Variants in ARHGAP15 observed in about 807,000 individuals in gnomAD.
ARHGAP15 encodes the protein Rho GTPase activating protein 15.
A neutral mutation model predicts 63.7 loss-of-function variants in ARHGAP15; 51 were observed. The observed-to-expected ratio is 0.80, with a 90% CI of 0.64 to 1.01. The LOEUF (loss-of-function observed/expected upper bound fraction) is 1.01, where lower values mean the gene tolerates loss of function less well. ARHGAP15 is among the 50% of genes least tolerant of loss of function. The pLI, the probability that ARHGAP15 is intolerant of heterozygous loss-of-function variation, is 0.00. For synonymous variants in ARHGAP15, 191 were observed against 193.8 expected, an observed-to-expected ratio of 0.99 and a Z score of 0.12; for missense variants, 560 against 564.6, an observed-to-expected ratio of 0.99 and a Z score of 0.08.
chr2:143,542,682 G>GAT (rs1403534383), intron 10 of ARHGAP15, among the ~76,000 whole-genome samples: 4 of 116,038 alleles, frequency 3.4e-5, no homozygotes, highest in African/African-American at 1.2e-4. Context: ...TATATGATAT[G>GAT]ATATATAGTA....
intron 3 of ARHGAP15, among the ~76,000 whole-genome samples, chr2:143,214,783 G>A (rs966328144): frequency 6.6e-6 from 1 of 152,148 alleles, no homozygotes; most frequent in African/African-American, 2.4e-5. Flanking sequence ...CCCGTGCTAT[G>A]TATTAGGAAT....
At chr2:143,348,279 A>G (rs1265944183) in intron 6 of ARHGAP15, among the ~76,000 whole-genome samples, 2 of 152,200 alleles carry the variant, frequency 1.3e-5, no homozygotes, top group African/African-American at 4.8e-5. Context: ...CCTCATAGTT[A>G]ATTCATGCAG....
chr2:143,341,139 T>A (rs1315046408), intron 6 of ARHGAP15, among the ~76,000 whole-genome samples: 1 of 152,092 alleles, frequency 6.6e-6, no homozygotes, highest in East Asian at 1.9e-4. Flanking sequence ...TGTGGTCCTG[T>A]CACATCATCC....
intron 2 of ARHGAP15, among the ~76,000 whole-genome samples, chr2:143,164,879 G>C (rs1690438048): frequency 6.6e-6 from 1 of 151,786 alleles, no homozygotes; most frequent in African/African-American, 2.4e-5. Flanking sequence ...ACACAGACGT[G>C]TTATCAGTTT....
intron 8 of ARHGAP15, among the ~76,000 whole-genome samples, chr2:143,470,624 T>C (rs1290323545): frequency 6.7e-6 from 1 of 149,358 alleles, no homozygotes; most frequent in African/African-American, 2.4e-5. Context: ...TGTATATATA[T>C]ACATATGTGT....
intron 2 of ARHGAP15, among the ~76,000 whole-genome samples, chr2:143,180,700 C>T (rs1354780494): frequency 6.6e-6 from 1 of 152,098 alleles, no homozygotes; most frequent in African/African-American, 2.4e-5. Context: ...GACGGAGTCT[C>T]ACTCTGTTGC....
intron 13 of ARHGAP15, among the ~76,000 whole-genome samples, chr2:143,740,672 C>G (rs1685928565): frequency 6.6e-6 from 1 of 152,110 alleles, no homozygotes. Flanking sequence ...GTCCCAGGTA[C>G]AGCAGGGGCA....
intron 2 of ARHGAP15, among the ~76,000 whole-genome samples, chr2:143,186,573 C>G (rs1691456481): frequency 6.6e-6 from 1 of 152,232 alleles, no homozygotes; most frequent in Non-Finnish European, 1.5e-5. Context: ...AATGACCATT[C>G]TCTGTTAGTC....
chr2:143,651,363 C>A lies in ARHGAP15; in HGVS notation c.1138+27096C>A, dbSNP rs1681154471. On this transcript the variant is annotated intron_variant, in intron 12 of 13. Transcript: ENST00000295095. The stretch of plus-strand genomic sequence containing the variant: ...TTTATCTGGTTTATTTTATGTAGAA[C>A]AATTTATTTTAAATTTCATTAATGC... 3.3e-5 allele frequency among the ~76,000 whole-genome samples: 5 copies of A among 151,872 alleles called. No homozygotes were observed. In the South Asian group the frequency reaches 1.0e-3, roughly 31 times the overall value.
At chr2:143,453,965 G>C (rs928268079) in intron 8 of ARHGAP15, among the ~76,000 whole-genome samples, 2 of 151,938 alleles carry the variant, frequency 1.3e-5, no homozygotes, top group African/African-American at 4.8e-5. Context: ...GTTAAACTTT[G>C]GCAATAGAAT....
At chr2:143,402,298 A>G (rs1688016759) in intron 6 of ARHGAP15, among the ~76,000 whole-genome samples, 1 of 151,952 alleles carries the variant, frequency 6.6e-6, no homozygotes, top group Non-Finnish European at 1.5e-5. Context: ...CCAACAAAAG[A>G]ACTGACTTAT....
chr2:143,461,511 A>G (rs1200282816), intron 8 of ARHGAP15, among the ~76,000 whole-genome samples: 1 of 152,134 alleles, frequency 6.6e-6, no homozygotes, highest in Non-Finnish European at 1.5e-5. Flanking sequence ...TATAAGAACA[A>G]TATAAACACT....
intron 6 of ARHGAP15, among the ~76,000 whole-genome samples, chr2:143,380,717 A>G (rs1687024185): frequency 6.6e-6 from 1 of 152,166 alleles, no homozygotes; most frequent in Non-Finnish European, 1.5e-5. Flanking sequence ...AATGATCTCC[A>G]GGATTCCTTC....
At chr2:143,461,362 C>G (rs960807525) in intron 8 of ARHGAP15, among the ~76,000 whole-genome samples, 2 of 148,228 alleles carry the variant, frequency 1.3e-5, no homozygotes, top group African/African-American at 5.0e-5. Context: ...TTTGATGTGG[C>G]GTATTCTATT....
intron 10 of ARHGAP15, among the ~76,000 whole-genome samples, chr2:143,521,383 CTTATAT>C (rs985391671): frequency 6.6e-6 from 1 of 152,058 alleles, no homozygotes; most frequent in East Asian, 1.9e-4. Context: ...GATTAATATT[CTTATAT>C]TTATACACCA....
At chr2:143,500,605 G>A (rs900609993) in intron 9 of ARHGAP15, among the ~76,000 whole-genome samples, 1 of 152,106 alleles carries the variant, frequency 6.6e-6, no homozygotes, top group African/African-American at 2.4e-5. Flanking sequence ...CCTGGTCAAT[G>A]TTTACAAGAA....
intron 3 of ARHGAP15, among the ~76,000 whole-genome samples, chr2:143,210,712 C>G (rs559029739): frequency 6.6e-6 from 1 of 152,184 alleles, no homozygotes; most frequent in East Asian, 1.9e-4. Flanking sequence ...TAAACCATGC[C>G]TAAATCTGAA....
chr2:143,567,658 CAG>C (rs1696284726), intron 11 of ARHGAP15, among the ~76,000 whole-genome samples: 1 of 152,212 alleles, frequency 6.6e-6, no homozygotes, highest in South Asian at 2.1e-4. Context: ...GCCTAAGAAA[CAG>C]AGGACCCCCA....
At position 143,137,133 on chromosome 2, in the gene ARHGAP15, G is replaced by A. The variant is rs16858624; in HGVS notation, c.-15+7667G>A. 7.4e-3 allele frequency among the ~76,000 whole-genome samples: 1,120 copies of A among 152,038 alleles called. 12 individuals are homozygous for A. Among genetic ancestry groups the A allele is most frequent in the African/African-American group, 0.026 (1,079 of 41,498 alleles). On this transcript the variant is annotated intron_variant, in intron 1 of 13. Coordinates refer to ENST00000295095, the MANE Select transcript of ARHGAP15 (RefSeq NM_018460.4). ...TCCTTTCATGATTTGCAAGGACCTC[G>A]TTATCTCATTACTCTGCTTTTGTTT...
Sources: gnomAD v4.1 joint callset for allele counts (sites outside exome capture counted in the v4.1 genomes callset) on GRCh38, gnomAD v4.1.1 for gene constraint, MANE v1.5 for transcripts, NCBI Gene and HGNC (gene_info 2026-07-23, HGNC 2026-07-21) for gene names.